Variants in GRIN2B observed in about 807,000 individuals in gnomAD.
GRIN2B encodes the protein glutamate receptor ionotropic, NMDA 2B.
In GRIN2B, 5 loss-of-function variants were observed where a neutral mutation model predicts 114.5. The ratio of observed to expected loss-of-function variants is 0.04; its 90% CI spans 0.02 to 0.09. The LOEUF (loss-of-function observed/expected upper bound fraction) is 0.09. Ranked by LOEUF, GRIN2B falls within the 10% of genes least tolerant of loss-of-function variation. The pLI, the probability that GRIN2B is intolerant of heterozygous loss-of-function variation, is 1.00. For missense variants in GRIN2B, 1,108 were observed against 1,943.5 expected, an observed-to-expected ratio of 0.57 and a Z score of 8.08; for synonymous variants, 787 against 745.1, an observed-to-expected ratio of 1.06 and a Z score of -0.92.
In GRIN2B at chr12:13,753,579, T is replaced by G; in HGVS notation, c.748A>C (p.Thr250Pro). ...IFEVANSVGLTGYGYTWIVPS... is the reference protein window; with the variant it reads ...IFEVANSVGLPGYGYTWIVPS... Reference sequence around the variant, plus strand: ...ACGATCCACGTGTAGCCATAGCCAGTCAGCCCTACTGAGTTGGCCACTTCA... The same window carrying G: ...ACGATCCACGTGTAGCCATAGCCAGGCAGCCCTACTGAGTTGGCCACTTCA... Residue 250 changes from threonine to proline, a missense_variant, in exon 4 of 14, where the codon ACT becomes CCT. By Grantham distance (38) the Thr-to-Pro change is conservative (BLOSUM62 -1). Transcript: ENST00000609686. The surrounding 1 kb of genome is among the most constrained non-coding windows in gnomAD (Gnocchi z 6.2). 6.2e-7 allele frequency: 1 copy of G among 1,614,204 alleles called. No homozygotes were observed. Among genetic ancestry groups the G allele is most frequent in the Non-Finnish European group, 8.5e-7 (1 of 1,180,030 alleles).
chr12:13,785,786 T>C (rs918010573), intron 3 of GRIN2B, among the ~76,000 whole-genome samples: 1 of 152,248 alleles, frequency 6.6e-6, no homozygotes, highest in Non-Finnish European at 1.5e-5. Flanking sequence ...AAAATAGTTA[T>C]GATTACTATT....
chr12:13,836,209 G>C (rs1001495997), intron 3 of GRIN2B, among the ~76,000 whole-genome samples: 3 of 152,160 alleles, frequency 2.0e-5, no homozygotes, highest in Non-Finnish European at 2.9e-5. Context: ...CAGCAAACCT[G>C]CCTGCCATAC....
At chr12:13,783,270 A>T (rs944275915) in intron 3 of GRIN2B, among the ~76,000 whole-genome samples, 1 of 152,032 alleles carries the variant, frequency 6.6e-6, no homozygotes, top group Non-Finnish European at 1.5e-5. Context: ...CACACACAAA[A>T]ATAAAACACC....
At chr12:13,862,539 T>A (rs1032199800) in intron 3 of GRIN2B, among the ~76,000 whole-genome samples, 1 of 152,222 alleles carries the variant, frequency 6.6e-6, no homozygotes, top group Non-Finnish European at 1.5e-5. Context: ...ATTTACTGCA[T>A]CAGTTCCACT....
At position 13,737,210 on chromosome 12, in the gene GRIN2B, CT is replaced by C. The variant is rs569716558; in HGVS notation, c.1010+16106del. ...AGACTCCAGAAAGCTCATATAATAT[CT>C]TTTTTTTTTCTTTTTTTTGAGATGG... On this transcript the variant is annotated intron_variant, in intron 4 of 13. Transcript: ENST00000609686. 2.4e-3 allele frequency among the ~76,000 whole-genome samples: 357 copies of C among 148,782 alleles called. 1 individual carries two copies. The highest frequency in any genetic ancestry group is 3.2e-3 in the South Asian group (15 of 4,650).
chr12:13,547,981 A>ATATATATATATATATTTTTTTTTTT lies in GRIN2B; in HGVS notation c.*14801_*14802insAAAAAAAAAAATATATATATATATA. 2.9e-4 allele frequency: 20 copies of ATATATATATATATATTTTTTTTTTT among 68,570 alleles called. No individual in the cohort carries two copies. The highest frequency in any genetic ancestry group is 5.7e-4 in the East Asian group (1 of 1,740). 4.2% of individuals were successfully genotyped at this position (68,570 alleles called of 1,614,324 possible). ...TGTGTATATATATATATATATATAT[A>ATATATATATATATATTTTTTTTTTT]TTTTTTTTTTTTTTCTGAAAGCTAC... On this transcript the variant is annotated 3_prime_UTR_variant, in exon 14 of 14. Transcript: ENST00000609686.
chr12:13,761,593 A>G (rs1027767888), intron 3 of GRIN2B, among the ~76,000 whole-genome samples: 3 of 152,218 alleles, frequency 2.0e-5, no homozygotes, highest in African/African-American at 7.2e-5. Flanking sequence ...AGGTATCGGG[A>G]CCACTAAAAT....
rs909078306 is a variant in GRIN2B at position 13,564,724 on chromosome 12, C to T, written c.2599-85G>A. On this transcript the variant is annotated intron_variant, in intron 13 of 13. Transcript: ENST00000609686. This position sits in a 1 kb window ranked among gnomAD's most constrained non-coding sequence, Gnocchi z 4.8. ...AACACTCTCCCACCAATAATTGCTC[C>T]AACTGGATAAGAAAAAGGGAAAGCA... 33 of 1,163,748 alleles carry T rather than the reference C, an allele frequency of 2.8e-5. No homozygotes were observed. The African/African-American group carries it at 5.0e-4, about 17-fold the overall frequency. 72.1% of individuals were successfully genotyped at this position (1,163,748 alleles called of 1,614,324 possible).
intron 3 of GRIN2B, among the ~76,000 whole-genome samples, chr12:13,825,585 C>T (rs954958891): frequency 6.1e-5 from 9 of 147,890 alleles, no homozygotes; most frequent in East Asian, 2.0e-4. Flanking sequence ...GGCCCGATGT[C>T]GGCTCACTGC....
intron 3 of GRIN2B, among the ~76,000 whole-genome samples, chr12:13,828,743 G>A (rs1865097130): frequency 6.6e-6 from 1 of 152,100 alleles, no homozygotes. Context: ...AGTTATTTAT[G>A]GTGGGAGGGT....
At chr12:13,939,543 C>CTTTTTTTTTTTT (rs59671145) in intron 2 of GRIN2B, among the ~76,000 whole-genome samples, 3 of 88,038 alleles carry the variant, frequency 3.4e-5, no homozygotes, top group African/African-American at 4.4e-5. Flanking sequence ...CTGCACCGTG[C>CTTTTTTTTTTTT]TTTTTTTTTT....
chr12:13,586,650 T>C (rs1565463990), intron 10 of GRIN2B, among the ~76,000 whole-genome samples: 1 of 152,238 alleles, frequency 6.6e-6, no homozygotes, highest in Non-Finnish European at 1.5e-5. Context: ...AGCAGCACAG[T>C]TGGAGACCTC....
intron 3 of GRIN2B, among the ~76,000 whole-genome samples, chr12:13,787,407 A>C (rs2136661151): frequency 2.0e-5 from 3 of 152,308 alleles, no homozygotes. Context: ...GTACTATTCA[A>C]ATTCTAGGAC....
At chr12:13,878,375 T>C (rs1467810845) in intron 2 of GRIN2B, among the ~76,000 whole-genome samples, 3 of 152,160 alleles carry the variant, frequency 2.0e-5, no homozygotes, top group Non-Finnish European at 2.9e-5. Context: ...ACTTCAGAAA[T>C]TGCTCCCACC....
intron 2 of GRIN2B, among the ~76,000 whole-genome samples, chr12:13,897,562 C>G (rs1411650208): frequency 6.6e-6 from 1 of 152,102 alleles, no homozygotes; most frequent in Non-Finnish European, 1.5e-5. Context: ...TGGGTTCTCC[C>G]AATGAGTCGA....
intron 4 of GRIN2B, among the ~76,000 whole-genome samples, chr12:13,749,864 CA>C (rs888246120): frequency 1.3e-5 from 2 of 152,092 alleles, no homozygotes; most frequent in African/African-American, 4.8e-5. Context: ...AAAATATTCT[CA>C]AGACAGGCAG....
At chr12:13,601,974 C>A (rs558918677) in intron 10 of GRIN2B, among the ~76,000 whole-genome samples, 6 of 152,218 alleles carry the variant, frequency 3.9e-5, no homozygotes, top group Admixed American at 1.3e-4. Context: ...GGTAGCCAAC[C>A]CTGATGGACA....
At position 13,642,861 on chromosome 12, in the gene GRIN2B, T is replaced by C. The variant is rs529052118; in HGVS notation, c.1126-26204A>G. Among the ~76,000 whole-genome samples the C allele has an allele frequency of 2.0e-5, 3 of 152,314 alleles. No homozygotes were observed. In the South Asian group the frequency reaches 6.2e-4, roughly 32 times the overall value. On this transcript the variant is annotated intron_variant, in intron 5 of 13. Coordinates refer to ENST00000609686, the MANE Select transcript of GRIN2B (RefSeq NM_000834.5). ...CTGCTCAGGGCCATGGAGCTGGCTT[T>C]GGCAGAGTTGGGGCTTGGCTTTGGG...
rs1224843457 is a variant in GRIN2B at position 13,959,758 on chromosome 12, T to C, written c.-19+20170A>G. Among the ~76,000 whole-genome samples, 4 of 95,018 alleles carry C rather than the reference T, an allele frequency of 4.2e-5. No homozygotes were observed. The Admixed American group carries it at 5.3e-4, about 13-fold the overall frequency. The allele number at this position is 95,018 out of a possible 152,430, so 62.3% of individuals were successfully genotyped here. On this transcript the variant is annotated intron_variant, in intron 2 of 13. Coordinates refer to ENST00000609686, the MANE Select transcript of GRIN2B (RefSeq NM_000834.5). ...GAGAGGAACAGTGGGTTTCTTTCTTTTTTTCTTTTTCTTTTTTTTTTTTTT... is the reference window on the plus strand; with the variant it reads ...GAGAGGAACAGTGGGTTTCTTTCTTCTTTTCTTTTTCTTTTTTTTTTTTTT...
Sources: allele counts gnomAD v4.1 joint callset (sites outside exome capture counted in the v4.1 genomes callset), GRCh38; gene constraint gnomAD v4.1.1; non-coding constraint Gnocchi (gnomAD v3.1); transcripts MANE v1.5; gene names NCBI Gene and HGNC (gene_info 2026-07-23, HGNC 2026-07-21).